Variants in PARPBP observed in about 807,000 individuals in gnomAD.
PARPBP encodes the protein PCNA-interacting partner.
Under a neutral mutation model 50.0 loss-of-function variants are expected in PARPBP, and 52 were observed. That is an observed-to-expected ratio of 1.04 (90% confidence interval 0.83 to 1.31). PARPBP has a LOEUF of 1.31. Among genes scored for constraint, PARPBP ranks in the 50% most tolerant of loss-of-function variants. The pLI, the probability that PARPBP is intolerant of heterozygous loss-of-function variation, is 0.00. For missense variants in PARPBP, 697 were observed against 672.0 expected, an observed-to-expected ratio of 1.04 and a Z score of -0.41; for synonymous variants, 244 against 232.1, an observed-to-expected ratio of 1.05 and a Z score of -0.47.
chr12:102,154,403 C>T (rs1886610038), intron 4 of PARPBP, among the ~76,000 whole-genome samples: 1 of 152,114 alleles, frequency 6.6e-6, no homozygotes, highest in South Asian at 2.1e-4. Context: ...GTATAAACCA[C>T]CGAAAAGTAG....
intron 4 of PARPBP, among the ~76,000 whole-genome samples, chr12:102,159,023 A>G (rs1887274346): frequency 6.6e-6 from 1 of 152,120 alleles, no homozygotes; most frequent in African/African-American, 2.4e-5. Flanking sequence ...CAACTAATGG[A>G]TTTGATTTTC....
intron 6 of PARPBP, among the ~76,000 whole-genome samples, chr12:102,171,996 G>T (rs555457033): frequency 3.3e-5 from 5 of 152,118 alleles, no homozygotes; most frequent in Non-Finnish European, 7.3e-5. Context: ...GTATGGAAAA[G>T]CAGTCACTTT....
chr12:102,163,667 T>C (rs1216033763), intron 4 of PARPBP, among the ~76,000 whole-genome samples: 6 of 152,196 alleles, frequency 3.9e-5, no homozygotes, highest in Non-Finnish European at 8.8e-5. Flanking sequence ...ATAATATCTA[T>C]TGGTTTGTCT....
At chr12:102,182,505 C>A in intron 8 of PARPBP, 44 bp from the exon 9 acceptor site, 2 of 1,351,328 alleles carry the variant, frequency 1.5e-6, no homozygotes, top group South Asian at 1.3e-5. Context: ...AACAAACATT[C>A]CAACCATAGC....
At chr12:102,128,442 A>G (rs1882347297) in intron 2 of PARPBP, among the ~76,000 whole-genome samples, 1 of 152,200 alleles carries the variant, frequency 6.6e-6, no homozygotes, top group Non-Finnish European at 1.5e-5. Context: ...CGTGTTAGCC[A>G]GGATGGTCTC....
At chr12:102,159,215 C>T (rs1887296441) in intron 4 of PARPBP, among the ~76,000 whole-genome samples, 1 of 152,204 alleles carries the variant, frequency 6.6e-6, no homozygotes, top group South Asian at 2.1e-4. Context: ...ACTGCAACCT[C>T]CGCCTCCTGG....
chr12:102,147,918 C>T (rs1191320734), intron 2 of PARPBP, among the ~76,000 whole-genome samples: 2 of 152,116 alleles, frequency 1.3e-5, no homozygotes, highest in South Asian at 4.2e-4. Context: ...TACTGCCCAC[C>T]CATCCATCCA....
Position 102,197,090 on chromosome 12 carries a change from A to G in PARPBP, c.*799A>G. ...CCATTCTCAGCTGGGAAAGCTACAGATCCTTTTAGTGCAAGATAAGGTTTT... is the reference window on the plus strand; with the variant it reads ...CCATTCTCAGCTGGGAAAGCTACAGGTCCTTTTAGTGCAAGATAAGGTTTT... On this transcript the variant is annotated 3_prime_UTR_variant, in exon 11 of 11. Transcript: ENST00000327680. The G allele has an allele frequency of 6.2e-7, 1 of 1,612,138 alleles. No individual in the cohort carries two copies. The highest frequency in any genetic ancestry group is 8.5e-7 in the Non-Finnish European group (1 of 1,178,626).
intron 9 of PARPBP, 35 bp downstream of exon 9, chr12:102,182,662 A>C: frequency 1.5e-6 from 2 of 1,347,388 alleles, no homozygotes; most frequent in Non-Finnish European, 2.1e-6. Flanking sequence ...AATAGCAAAC[A>C]CTGTTTTATT....
At chr12:102,154,646 G>T (rs555959478) in intron 4 of PARPBP, among the ~76,000 whole-genome samples, 2 of 152,186 alleles carry the variant, frequency 1.3e-5, no homozygotes, top group Non-Finnish European at 2.9e-5. Flanking sequence ...CTATAATGTG[G>T]TTTACTTTCC....
intron 9 of PARPBP, among the ~76,000 whole-genome samples, chr12:102,191,829 A>G (rs1458652934): frequency 1.3e-5 from 2 of 152,168 alleles, no homozygotes; most frequent in African/African-American, 4.8e-5. Flanking sequence ...TGTGACTTGA[A>G]CATGAAATGA....
intron 1 of PARPBP, 77 bp downstream of exon 1, chr12:102,120,363 T>C (rs1012036359): frequency 3.5e-5 from 15 of 423,088 alleles, no homozygotes; most frequent in Admixed American, 2.6e-5. Context: ...GAGGGTGTTT[T>C]GCACTGTAAT....
At chr12:102,165,255 C>CA in intron 5 of PARPBP, among the ~76,000 whole-genome samples, 1 of 152,114 alleles carries the variant, frequency 6.6e-6, no homozygotes, top group African/African-American at 2.4e-5. Flanking sequence ...TAGTGATTAT[C>CA]TAGTCTGTAT....
At chr12:102,137,536 G>A (rs1254618743) in intron 2 of PARPBP, among the ~76,000 whole-genome samples, 1 of 151,600 alleles carries the variant, frequency 6.6e-6, no homozygotes, top group Non-Finnish European at 1.5e-5. Context: ...TTTAATTCTA[G>A]GGTATATGTG....
chr12:102,129,545 G>A (rs1882530563), intron 2 of PARPBP, among the ~76,000 whole-genome samples: 1 of 152,088 alleles, frequency 6.6e-6, no homozygotes, highest in Admixed American at 6.5e-5. Flanking sequence ...ATGTCATGGA[G>A]TTTTTCCTCT....
At chr12:102,134,630 A>G in intron 2 of PARPBP, among the ~76,000 whole-genome samples, 1 of 152,046 alleles carries the variant, frequency 6.6e-6, no homozygotes. Flanking sequence ...TTCTCCTCAT[A>G]GACTTTCTAT....
chr12:102,147,760 A>G (rs1169103599), intron 2 of PARPBP, among the ~76,000 whole-genome samples: 2 of 152,152 alleles, frequency 1.3e-5, no homozygotes, highest in African/African-American at 2.4e-5. Context: ...ATATTTTTAG[A>G]CTAAACCCTT....
At chr12:102,126,217 A>C (rs969073107) in intron 2 of PARPBP, among the ~76,000 whole-genome samples, 3 of 152,030 alleles carry the variant, frequency 2.0e-5, no homozygotes, top group Non-Finnish European at 4.4e-5. Flanking sequence ...TTTGTCTTTC[A>C]AAATTTGCGC....
At chr12:102,178,797 T>C in intron 8 of PARPBP, 27 bp downstream of exon 8, 1 of 1,420,556 alleles carries the variant, frequency 7.0e-7, no homozygotes, top group South Asian at 1.4e-5. Context: ...TTATATGTGT[T>C]ATAAATGTTA....
Sources: allele counts gnomAD v4.1 joint callset (sites outside exome capture counted in the v4.1 genomes callset), GRCh38; gene constraint gnomAD v4.1.1; transcripts MANE v1.5; gene names NCBI Gene and HGNC (gene_info 2026-07-23, HGNC 2026-07-21).